Variants in ID2 observed in about 807,000 individuals in gnomAD.
The protein encoded by ID2 is DNA-binding protein inhibitor ID-2.
Under a neutral mutation model 8.3 loss-of-function variants are expected in ID2, and 2 were observed. That is an observed-to-expected ratio of 0.24 (90% CI 0.10 to 0.76). The LOEUF (loss-of-function observed/expected upper bound fraction) is 0.76. Among genes scored for constraint, ID2 ranks in the 30% least tolerant of loss-of-function variants. The probability of loss-of-function intolerance (pLI) is 0.73; values close to 1 mark genes in which losing one functional copy is unlikely to be tolerated. For missense variants in ID2, 155 were observed against 167.0 expected (o/e 0.93, Z 0.40); for synonymous variants, 112 against 72.3 (o/e 1.55, Z -2.79).
intron 1 of ID2, 81 bp from the exon 2 acceptor site, chr2:8,682,762 C>T (rs915908929): frequency 1.3e-6 from 1 of 742,030 alleles, no homozygotes. Context: ...CTGTGGACTA[C>T]AAAAAAAAAA....
chr2:8,684,005 CTT>C lies in ID2; in HGVS notation c.*330_*331del, dbSNP rs978446044. 2 of 152,470 alleles carry C rather than the reference CTT, an allele frequency of 1.3e-5. No individual in the cohort carries two copies. Among genetic ancestry groups the C allele is most frequent in the Non-Finnish European group, 2.9e-5 (2 of 68,034 alleles). 9.4% of individuals were successfully genotyped at this position (152,470 alleles called of 1,614,324 possible). ...CAAGGAATTGCCCAATCTAAGCAGACTTTGCCTTTTTTCAAAGGTGGAGCGTG... is the reference window on the plus strand; with the variant it reads ...CAAGGAATTGCCCAATCTAAGCAGACTGCCTTTTTTCAAAGGTGGAGCGTG... On this transcript the variant is annotated 3_prime_UTR_variant, in exon 3 of 3. Transcript: ENST00000396290.
Position 8,682,225 on chromosome 2 carries a change from G to T in ID2, c.60G>T (p.Leu20=), listed in dbSNP as rs1404729794. The part of the protein sequence containing the change: ...VRKNSLSDHS[L]GISRSKTPVD... ...AAAACAGCCTGTCGGACCACAGCCT[G>T]GGCATCTCCCGGAGCAAAACCCCTG... is the stretch of plus-strand genomic sequence containing the variant. The change falls in exon 1 of 3, where the codon CTG becomes CTT. Residue 20 remains leucine (L), a synonymous_variant. Transcript: ENST00000396290. 6.2e-7 allele frequency: 1 copy of T among 1,614,058 alleles called. No homozygotes were observed. The highest frequency in any genetic ancestry group is 8.5e-7 in the Non-Finnish European group (1 of 1,180,026).
rs774361814 is a variant in ID2, at chr2:8,682,149, C to G, written c.-17C>G. Reference sequence around the variant, plus strand: ...GCAGCCAGCTCCCTCCCGGTCTCGCCTTCCCTCGCGGTCAGCATGAAAGCC... The same window carrying G: ...GCAGCCAGCTCCCTCCCGGTCTCGCGTTCCCTCGCGGTCAGCATGAAAGCC... On this transcript the variant is annotated 5_prime_UTR_variant, in exon 1 of 3. Transcript: ENST00000396290. 1.9e-6 allele frequency: 3 copies of G among 1,604,530 alleles called. No homozygotes were observed. The East Asian group carries it at 6.7e-5, about 36-fold the overall frequency.
rs943625872 is a variant in ID2, at chr2:8,682,407, C to T, written c.242C>T (p.Ser81Leu). 3 of 1,613,756 alleles carry T rather than the reference C, an allele frequency of 1.9e-6. No homozygotes were observed. In the African/African-American group the frequency reaches 4.0e-5, roughly 22 times the overall value. Residue 81 changes from serine to leucine, a missense_variant, in exon 1 of 3, where the codon TCG becomes TTG. Ser to Leu is a moderately radical substitution (Grantham distance 145, BLOSUM62 -2). Coordinates refer to ENST00000396290, the MANE Select transcript of ID2 (RefSeq NM_002166.5). ...YILDLQIALD[S>L]HPTIVSLHHQ... ...TTGGACCTGCAGATCGCCCTGGACT[C>T]GCATCCCACTATTGTCAGCCTGCAT...
intron 2 of ID2, 143 bp downstream of exon 2, chr2:8,683,049 GTC>G (rs1314390961): frequency 1.4e-5 from 10 of 702,934 alleles, no homozygotes; most frequent in Non-Finnish European, 2.4e-5. Flanking sequence ...GTACTACATT[GTC>G]TCACTAGACA....
Position 8,682,258 on chromosome 2 carries a change from C to T in ID2, c.93C>T (p.Asp31=). The T allele has an allele frequency of 1.2e-6, 2 of 1,614,166 alleles. No homozygotes were observed. Among genetic ancestry groups the T allele is most frequent in the East Asian group, 2.2e-5 (1 of 44,874 alleles). Residue 31 remains aspartate (D), a synonymous_variant, in exon 1 of 3, where the codon GAC becomes GAT. Coordinates refer to ENST00000396290, the MANE Select transcript of ID2 (RefSeq NM_002166.5). ...GISRSKTPVD[D]PMSLLYNMND... is the part of the protein sequence containing the mutation. ...CCCGGAGCAAAACCCCTGTGGACGACCCGATGAGCCTGCTATACAACATGA... is the reference window on the plus strand; with the variant it reads ...CCCGGAGCAAAACCCCTGTGGACGATCCGATGAGCCTGCTATACAACATGA...
rs770825384 is a variant in ID2, at chr2:8,682,300, G to A, written c.135G>A (p.Lys45=). Residue 45 remains lysine (K), a synonymous_variant, in exon 1 of 3, where the codon AAG becomes AAA. Transcript: ENST00000396290. ...LLYNMNDCYS[K]LKELVPSIPQ... Reference sequence around the variant, plus strand: ...ACAACATGAACGACTGCTACTCCAAGCTCAAGGAGCTGGTGCCCAGCATCC... The same window carrying A: ...ACAACATGAACGACTGCTACTCCAAACTCAAGGAGCTGGTGCCCAGCATCC... 4 of 1,614,174 alleles carry A rather than the reference G, an allele frequency of 2.5e-6. No individual in the cohort carries two copies. The East Asian group carries it at 6.7e-5, about 27-fold the overall frequency.
intron 2 of ID2, 80 bp downstream of exon 2, chr2:8,682,986 T>C (rs886737541): frequency 9.6e-7 from 1 of 1,043,622 alleles, no homozygotes; most frequent in East Asian, 2.4e-5. Context: ...TTTGCTTGTG[T>C]ATCTATAAAA....
In ID2 at chr2:8,682,999, T is replaced by G; in HGVS notation, c.*7+93T>G. The G allele has an allele frequency of 3.2e-6, 3 of 937,128 alleles. 1 individual carries two copies. In the South Asian group the frequency reaches 3.9e-5, roughly 12 times the overall value. 58.1% of individuals were successfully genotyped at this position (937,128 alleles called of 1,614,324 possible). A position where few individuals can be genotyped will look rare whatever the true frequency, so the allele number is the denominator to read the frequency against. On this transcript the variant is annotated intron_variant, in intron 2 of 2. Coordinates refer to ENST00000396290, the MANE Select transcript of ID2 (RefSeq NM_002166.5). ...TTTTTGCTTGTGTATCTATAAAATG[T>G]CTGATTTGGTAAATGCATGCTTACT...
Position 8,682,351 on chromosome 2 carries a change from G to A in ID2, c.186G>A (p.Met62Ile), listed in dbSNP as rs372837543. The change falls in exon 1 of 3, where the codon ATG becomes ATA. Residue 62 changes from methionine to isoleucine, a missense_variant. By Grantham distance (10) the Met-to-Ile change is conservative (BLOSUM62 1). This residue lies in a region of ID2 where 7 missense variants were observed against 22.7 expected (regional missense o/e 0.31). Coordinates refer to ENST00000396290, the MANE Select transcript of ID2 (RefSeq NM_002166.5). Reference protein sequence around the residue: ...SIPQNKKVSKMEILQHVIDYI... With the variant: ...SIPQNKKVSKIEILQHVIDYI... Reference sequence around the variant, plus strand: ...CCCAGAACAAGAAGGTGAGCAAGATGGAAATCCTGCAGCACGTCATCGACT... The same window carrying A: ...CCCAGAACAAGAAGGTGAGCAAGATAGAAATCCTGCAGCACGTCATCGACT... 8 of 1,614,054 alleles carry A rather than the reference G, an allele frequency of 5.0e-6. No individual in the cohort carries two copies. The highest frequency in any genetic ancestry group is 3.3e-5 in the South Asian group (3 of 91,086).
rs373887089 is a variant in ID2 at position 8,682,762 on chromosome 2, C to CA, written c.349-56dup. 9.2e-3 allele frequency: 6,891 copies of CA among 745,532 alleles called. 18 individuals carry two copies. Among genetic ancestry groups the CA allele is most frequent in the African/African-American group, 0.032 (1,392 of 44,050 alleles). The allele number at this position is 745,532 out of a possible 1,614,324, so 46.2% of individuals were successfully genotyped here. The stretch of plus-strand genomic sequence containing the variant: ...ATGGAACTTGCTGGTCTGTGGACTA[C>CA]AAAAAAAAAAAAAAAAAAAAAAAAA... On this transcript the variant is annotated intron_variant, in intron 1 of 2. Transcript: ENST00000396290.
rs751738585 is a variant in ID2, at chr2:8,682,807, T to TCCC, written c.349-35_349-34insCCC. On this transcript the variant is annotated intron_variant, in intron 1 of 2. Coordinates refer to ENST00000396290, the MANE Select transcript of ID2 (RefSeq NM_002166.5). ...AAAAAACCCTTTCTACTTAACATTG[T>TCCC]CTTAACCTCGTACTCTTTATCCTCT... 397 of 1,505,766 alleles carry TCCC rather than the reference T, an allele frequency of 2.6e-4. 1 individual carries two copies. The highest frequency in any genetic ancestry group is 1.4e-3 in the Middle Eastern group (8 of 5,902). The allele number at this position is 1,505,766 out of a possible 1,614,324, so 93.3% of individuals were successfully genotyped here.
Position 8,682,915 on chromosome 2 carries a change from T to C in ID2, c.*7+9T>C. 1 of 1,611,988 alleles carries C rather than the reference T, an allele frequency of 6.2e-7. No homozygotes were observed. Among genetic ancestry groups the C allele is most frequent in the Non-Finnish European group, 8.5e-7 (1 of 1,178,016 alleles). On this transcript the variant is annotated intron_variant, in intron 2 of 2. Coordinates refer to ENST00000396290, the MANE Select transcript of ID2 (RefSeq NM_002166.5). ...GTGTGGCTGAATAAGCGGTGAGTGT[T>C]TGCTTGTGCCACCCGTGGGTAAACT... is the stretch of plus-strand genomic sequence containing the variant.
At chr2:8,683,370 C>T (rs1572357336) in intron 2 of ID2, among the ~76,000 whole-genome samples, 1 of 152,184 alleles carries the variant, frequency 6.6e-6, no homozygotes, top group Admixed American at 6.5e-5. Flanking sequence ...TCCCAGACTT[C>T]CCTATCTGTT....
At chr2:8,682,762 CAAAAAAAAAAAA>C (rs373887089) in intron 1 of ID2, 69 bp from the exon 2 acceptor site, 37,038 of 746,238 alleles carry the variant, frequency 0.05, 322 homozygotes, top group Middle Eastern at 0.082. Context: ...CTGTGGACTA[CAAAAAAAAAAAA>C]AAAAAAAAAA....
Position 8,684,329 on chromosome 2 carries a change from C to A in ID2, c.*652C>A, listed in dbSNP as rs1310146035. On this transcript the variant is annotated 3_prime_UTR_variant, in exon 3 of 3. Transcript: ENST00000396290. Reference sequence around the variant, plus strand: ...AGTGTGTTTATTGAATGGTGATTGCCTGCTTTATTTCAGAGGACCAGTGCT... The same window carrying A: ...AGTGTGTTTATTGAATGGTGATTGCATGCTTTATTTCAGAGGACCAGTGCT... 1 of 152,318 alleles carries A rather than the reference C, an allele frequency of 6.6e-6. No homozygotes were observed. The highest frequency in any genetic ancestry group is 1.5e-5 in the Non-Finnish European group (1 of 67,986). The allele number at this position is 152,318 out of a possible 1,614,324, so 9.4% of individuals were successfully genotyped here.
In ID2 at chr2:8,683,881, T is replaced by C. The variant is rs952668295; in HGVS notation, c.*204T>C. The C allele has an allele frequency of 6.6e-6, 1 of 152,604 alleles. No homozygotes were observed. Among genetic ancestry groups the C allele is most frequent in the Non-Finnish European group, 1.5e-5 (1 of 68,046 alleles). 9.5% of individuals were successfully genotyped at this position (152,604 alleles called of 1,614,324 possible). A position where few individuals can be genotyped will look rare whatever the true frequency, so the allele number is the denominator to read the frequency against. ...GTGTTCTCTTACTTGGACTGTGATA[T>C]TCGTTATTTATGAAAAAGACTTTTA... On this transcript the variant is annotated 3_prime_UTR_variant, in exon 3 of 3. Coordinates refer to ENST00000396290, the MANE Select transcript of ID2 (RefSeq NM_002166.5).
chr2:8,682,703 C>G (rs1430548975), intron 1 of ID2, 140 bp from the exon 2 acceptor site: 12 of 734,084 alleles, frequency 1.6e-5, no homozygotes, highest in South Asian at 9.9e-5. Flanking sequence ...ATGCGTCTGT[C>G]TTTAAATCTG....
Position 8,682,143 on chromosome 2 carries a change from T to G in ID2, c.-23T>G, listed in dbSNP as rs1003495392. The G allele has an allele frequency of 3.8e-6, 6 of 1,596,234 alleles. No homozygotes were observed. Among genetic ancestry groups the G allele is most frequent in the Non-Finnish European group, 5.1e-6 (6 of 1,167,610 alleles). On this transcript the variant is annotated 5_prime_UTR_variant, in exon 1 of 3. Coordinates refer to ENST00000396290, the MANE Select transcript of ID2 (RefSeq NM_002166.5). ...TTCAGGGCAGCCAGCTCCCTCCCGG[T>G]CTCGCCTTCCCTCGCGGTCAGCATG... is the stretch of plus-strand genomic sequence containing the variant.
Sources: gnomAD v4.1 joint callset for allele counts (sites outside exome capture counted in the v4.1 genomes callset) on GRCh38, gnomAD v4.1.1 for gene constraint, gnomAD v4.1.1 regional missense constraint, MANE v1.5 for transcripts, NCBI Gene and HGNC (gene_info 2026-07-23, HGNC 2026-07-21) for gene names.